SPIDR: variants seen among roughly 807,000 people sequenced by gnomAD.
The protein encoded by SPIDR is scaffold protein involved in DNA repair, also known as DNA repair-scaffolding protein.
Under a neutral mutation model 104.6 loss-of-function variants are expected in SPIDR, and 93 were observed. That is an observed-to-expected ratio of 0.89 (90% confidence interval 0.75 to 1.06). The LOEUF is 1.06. SPIDR is among the 50% of genes least tolerant of loss of function. The pLI, the probability that SPIDR is intolerant of heterozygous loss-of-function variation, is 0.00. For missense variants in SPIDR, 1,154 were observed against 1,111.2 expected (o/e 1.04, Z -0.55); for synonymous variants, 431 against 416.9 (o/e 1.03, Z -0.41).
chr8:47,562,037 A>G (rs1397309882), intron 8 of SPIDR, among the ~76,000 whole-genome samples: 1 of 152,202 alleles, frequency 6.6e-6, no homozygotes, highest in Admixed American at 6.5e-5. Flanking sequence ...CACTTCTTTT[A>G]TAACCAGAAA....
At chr8:47,696,130 C>T (rs202219636) in intron 11 of SPIDR, among the ~76,000 whole-genome samples, 3 of 152,206 alleles carry the variant, frequency 2.0e-5, no homozygotes, top group East Asian at 3.8e-4. Context: ...TCTTGTCGCA[C>T]GATGGGAAAC....
chr8:47,585,663 A>T (rs557720596), intron 8 of SPIDR, among the ~76,000 whole-genome samples: 1 of 152,192 alleles, frequency 6.6e-6, no homozygotes, highest in South Asian at 2.1e-4. Context: ...ACACTTATGG[A>T]GGTCGAGGGG....
At chr8:47,424,692 A>G (rs1404921432) in intron 7 of SPIDR, among the ~76,000 whole-genome samples, 1 of 152,242 alleles carries the variant, frequency 6.6e-6, no homozygotes, top group African/African-American at 2.4e-5. Flanking sequence ...AGAACCAGTG[A>G]TAACAAAGAA....
At chr8:47,312,202 C>CTTTAT (rs2044317496) in intron 5 of SPIDR, among the ~76,000 whole-genome samples, 2 of 152,148 alleles carry the variant, frequency 1.3e-5, no homozygotes, top group Non-Finnish European at 2.9e-5. Flanking sequence ...GTCTTTATAG[C>CTTTAT]AGCATGATTT....
intron 6 of SPIDR, among the ~76,000 whole-genome samples, chr8:47,397,921 C>T (rs974954413): frequency 6.6e-6 from 1 of 152,072 alleles, no homozygotes; most frequent in Non-Finnish European, 1.5e-5. Flanking sequence ...CATCAGCATC[C>T]TGGAGAAGAG....
In SPIDR at chr8:47,712,747, C is replaced by G. The variant is rs1198231121; in HGVS notation, c.2063C>G (p.Pro688Arg). The part of the protein sequence containing the change: ...VTLQTKEERD[P>R]RLPKTLLVYV... ...CTGCAAACGAAGGAGGAGAGAGACC[C>G]CAGGCTCCCCAAAACCCTGCTGGTC... Residue 688 changes from proline to arginine, a missense_variant, in exon 15 of 20, where the codon CCC becomes CGC. By Grantham distance (103) the Pro-to-Arg change is moderately radical. Coordinates refer to ENST00000297423, the MANE Select transcript of SPIDR (RefSeq NM_001080394.4). 6.2e-7 allele frequency: 1 copy of G among 1,614,116 alleles called. No homozygotes were observed. The highest frequency in any genetic ancestry group is 1.1e-5 in the South Asian group (1 of 91,070).
intron 10 of SPIDR, among the ~76,000 whole-genome samples, chr8:47,608,985 C>T (rs2154430165): frequency 6.6e-6 from 1 of 152,338 alleles, no homozygotes; most frequent in East Asian, 1.9e-4. Flanking sequence ...CCTCGGCCTC[C>T]CAAAGTGTTG....
chr8:47,504,951 T>C (rs1292573882), intron 8 of SPIDR, among the ~76,000 whole-genome samples: 4 of 152,176 alleles, frequency 2.6e-5, no homozygotes, highest in Non-Finnish European at 5.9e-5. Context: ...GTGGCTGATA[T>C]TGGTGAACAG....
At chr8:47,692,142 A>G (rs1200497763) in intron 11 of SPIDR, among the ~76,000 whole-genome samples, 1 of 152,232 alleles carries the variant, frequency 6.6e-6, no homozygotes. Context: ...TCTTAAGTTA[A>G]TGACACTTTT....
At chr8:47,537,926 C>G (rs1400542096) in intron 8 of SPIDR, among the ~76,000 whole-genome samples, 1 of 152,104 alleles carries the variant, frequency 6.6e-6, no homozygotes, top group Non-Finnish European at 1.5e-5. Flanking sequence ...CCTGTAATCC[C>G]AACAGTTTGG....
rs562450186 is a variant in SPIDR, at chr8:47,559,460, C to T, written c.1098-36351C>T. 2.6e-5 allele frequency among the ~76,000 whole-genome samples: 4 copies of T among 152,328 alleles called. No individual in the cohort carries two copies. The South Asian group carries it at 8.3e-4, about 32-fold the overall frequency. The stretch of plus-strand genomic sequence containing the variant: ...CACACAAGTGTCCCCCTTCCTCAGC[C>T]TCTGACCCCCTCCCCTGTGAGCTGG... On this transcript the variant is annotated intron_variant, in intron 8 of 19. Transcript: ENST00000297423.
intron 10 of SPIDR, among the ~76,000 whole-genome samples, chr8:47,630,052 T>A (rs1366187150): frequency 6.6e-6 from 1 of 152,234 alleles, no homozygotes; most frequent in Non-Finnish European, 1.5e-5. Flanking sequence ...AATTTTTAGA[T>A]AAAATAGCTT....
Position 47,712,873 on chromosome 8 carries a change from G to T in SPIDR, c.2188+1G>T. The T allele has an allele frequency of 6.2e-7, 1 of 1,613,910 alleles. No individual in the cohort carries two copies. Among genetic ancestry groups the T allele is most frequent in the East Asian group, 2.2e-5 (1 of 44,882 alleles). ...TTCAAGGACGCTCTCCGTGACCAGGGTGTGCTTGCGTCTCCACAGCTTTGA... is the reference window on the plus strand; with the variant it reads ...TTCAAGGACGCTCTCCGTGACCAGGTTGTGCTTGCGTCTCCACAGCTTTGA... On this transcript the variant is annotated splice_donor_variant, in intron 15 of 19. Coordinates refer to ENST00000297423, the MANE Select transcript of SPIDR (RefSeq NM_001080394.4). LOFTEE classifies it high-confidence loss of function.
At chr8:47,569,316 A>G (rs1355242091) in intron 8 of SPIDR, among the ~76,000 whole-genome samples, 1 of 152,202 alleles carries the variant, frequency 6.6e-6, no homozygotes, top group Non-Finnish European at 1.5e-5. Context: ...CTAAAATAAT[A>G]ATTAGAGACT....
chr8:47,435,134 C>T (rs1552667), intron 7 of SPIDR, among the ~76,000 whole-genome samples: 18,726 of 152,018 alleles, frequency 0.12, 1,773 homozygotes, highest in African/African-American at 0.27. Flanking sequence ...GCTGAAACTA[C>T]AGTATACTCC....
chr8:47,386,878 GAGAGAGAGAGAGAA>G (rs1447875099), intron 5 of SPIDR, among the ~76,000 whole-genome samples: 1 of 80,914 alleles, frequency 1.2e-5, no homozygotes, highest in African/African-American at 4.7e-5. Context: ...GGGACGAGGG[GAGAGAGAGAGAGAA>G]AGAGAGAGAG....
chr8:47,319,485 C>T (rs2154260741), intron 5 of SPIDR, among the ~76,000 whole-genome samples: 1 of 152,258 alleles, frequency 6.6e-6, no homozygotes, highest in African/African-American at 2.4e-5. Context: ...GACTCCCACA[C>T]AATAATAATG....
intron 3 of SPIDR, among the ~76,000 whole-genome samples, chr8:47,288,732 G>A (rs1176305137): frequency 5.9e-5 from 9 of 152,208 alleles, no homozygotes; most frequent in South Asian, 2.1e-4. Context: ...CTTTTATAAC[G>A]TGAACAATAG....
At chr8:47,336,551 G>A (rs2049792988) in intron 5 of SPIDR, among the ~76,000 whole-genome samples, 1 of 152,206 alleles carries the variant, frequency 6.6e-6, no homozygotes. Flanking sequence ...CAATCATGAT[G>A]AAGCTTCCAG....
Sources: gnomAD v4.1 joint callset for allele counts (sites outside exome capture counted in the v4.1 genomes callset) on GRCh38, gnomAD v4.1.1 for gene constraint, MANE v1.5 for transcripts, NCBI Gene and HGNC (gene_info 2026-07-23, HGNC 2026-07-21) for gene names.